The following DNAH9 variants were observed in gnomAD, a reference collection of about 807,000 sequenced individuals.
The protein encoded by DNAH9 is DNAH9 variant protein.
In DNAH9, 345 loss-of-function variants were observed where a neutral mutation model predicts 471.6. The observed-to-expected ratio is 0.73, with a 90% CI of 0.67 to 0.80. The LOEUF (loss-of-function observed/expected upper bound fraction) is 0.80. DNAH9 is among the 30% of genes least tolerant of loss of function. DNAH9 has a pLI of 0.00. For synonymous variants in DNAH9, 2,093 were observed against 2,123.6 expected, an observed-to-expected ratio of 0.99 and a Z score of 0.40; for missense variants, 5,407 against 5,609.2, an observed-to-expected ratio of 0.96 and a Z score of 1.15.
rs1354816470 is a variant in DNAH9 at position 11,652,790 on chromosome 17, A to G, written c.2383A>G (p.Ser795Gly). The change falls in exon 14 of 69, where the codon AGT becomes GGT. Residue 795 changes from serine to glycine, a missense_variant. Around this residue, in one of 3 missense-constraint regions of DNAH9, gnomAD observed 4,636 missense variants for 4,900.3 expected, o/e 0.95. Coordinates refer to ENST00000262442, the MANE Select transcript of DNAH9 (RefSeq NM_001372.4). ...GICDYVTEIT[S>G]SIHDLEQRIQ... ...TTGCGATTATGTCACTGAAATCACC[A>G]GTAGTATTCATGATCTTGAACAAAG... 1.2e-6 allele frequency: 2 copies of G among 1,613,564 alleles called. No individual in the cohort carries two copies. The highest frequency in any genetic ancestry group is 1.7e-5 in the Admixed American group (1 of 60,006).
At chr17:11,951,872 G>A (rs1975373801) in intron 67 of DNAH9, among the ~76,000 whole-genome samples, 1 of 148,160 alleles carries the variant, frequency 6.7e-6, no homozygotes, top group African/African-American at 2.5e-5. Flanking sequence ...GCAGTGAGCT[G>A]AGATCACACC....
chr17:11,653,594 C>G (rs371459766), intron 14 of DNAH9, among the ~76,000 whole-genome samples: 1 of 152,170 alleles, frequency 6.6e-6, no homozygotes, highest in Non-Finnish European at 1.5e-5. Flanking sequence ...TCCAGCCCTA[C>G]GCAAGTAGCT....
intron 33 of DNAH9, among the ~76,000 whole-genome samples, 160 bp downstream of exon 33, chr17:11,753,120 T>G: frequency 6.6e-6 from 1 of 152,220 alleles, no homozygotes; most frequent in Non-Finnish European, 1.5e-5. Context: ...CACTGATAAA[T>G]TCCCAGCAGC....
intron 15 of DNAH9, among the ~76,000 whole-genome samples, chr17:11,666,457 A>C (rs978244396): frequency 5.9e-5 from 9 of 152,172 alleles, no homozygotes; most frequent in Admixed American, 3.9e-4. Context: ...CAAGATTACC[A>C]AAGTTTCCTT....
At chr17:11,964,739 C>G (rs1976544855) in intron 68 of DNAH9, among the ~76,000 whole-genome samples, 1 of 152,166 alleles carries the variant, frequency 6.6e-6, no homozygotes, top group Admixed American at 6.5e-5. Context: ...AACCCAACCC[C>G]TAGCTTGGAG....
chr17:11,645,951 C>T lies in DNAH9; in HGVS notation c.1971-1121C>T, dbSNP rs1359001341. 2.0e-5 allele frequency among the ~76,000 whole-genome samples: 3 copies of T among 148,212 alleles called. 1 individual carries two copies. Among genetic ancestry groups the T allele is most frequent in the Non-Finnish European group, 4.4e-5 (3 of 67,668 alleles). On this transcript the variant is annotated intron_variant, in intron 11 of 68. Coordinates refer to ENST00000262442, the MANE Select transcript of DNAH9 (RefSeq NM_001372.4). The stretch of plus-strand genomic sequence containing the variant: ...TTGGAGTGCAGTGGCACAATCTCGA[C>T]TCACTGCAAGCTCCGCCTCCCGGGT...
chr17:11,741,090 T>G (rs1231573854), intron 29 of DNAH9, among the ~76,000 whole-genome samples: 1 of 152,198 alleles, frequency 6.6e-6, no homozygotes, highest in Non-Finnish European at 1.5e-5. Flanking sequence ...AAAATAATTT[T>G]GAGAATTTAA....
chr17:11,742,555 A>G (rs1322053911), intron 30 of DNAH9, among the ~76,000 whole-genome samples: 1 of 152,176 alleles, frequency 6.6e-6, no homozygotes, highest in Admixed American at 6.5e-5. Flanking sequence ...TTAGCAACAC[A>G]TCACAGACAC....
chr17:11,806,266 C>T (rs535395412), intron 43 of DNAH9, among the ~76,000 whole-genome samples: 5 of 152,260 alleles, frequency 3.3e-5, no homozygotes, highest in African/African-American at 4.8e-5. Flanking sequence ...CGTCATTCTG[C>T]GCGGCAGTCT....
chr17:11,967,034 CAAAAAAA>C (rs375839377), intron 68 of DNAH9, among the ~76,000 whole-genome samples: 6 of 65,120 alleles, frequency 9.2e-5, no homozygotes, highest in South Asian at 6.5e-4. Context: ...GACTCCATCT[CAAAAAAA>C]AAAAAAAAAA....
At chr17:11,875,384 G>A (rs1972435961) in intron 53 of DNAH9, among the ~76,000 whole-genome samples, 200 bp downstream of exon 53, 1 of 152,090 alleles carries the variant, frequency 6.6e-6, no homozygotes, top group South Asian at 2.1e-4. Context: ...ATCCACATGA[G>A]AAATTATGTA....
chr17:11,658,149 T>C (rs188303713), intron 14 of DNAH9, among the ~76,000 whole-genome samples: 90 of 152,308 alleles, frequency 5.9e-4, no homozygotes, highest in Middle Eastern at 6.8e-3. Flanking sequence ...TAGCAGTTTA[T>C]GAACCCGGCA....
intron 42 of DNAH9, among the ~76,000 whole-genome samples, chr17:11,795,615 G>A (rs1456573903): frequency 6.6e-6 from 1 of 152,132 alleles, no homozygotes; most frequent in African/African-American, 2.4e-5. Context: ...CATTGTTATT[G>A]GGGCCTGATG....
Position 11,932,267 on chromosome 17 carries a change from TG to T in DNAH9, c.12297+63del. Reference sequence around the variant, plus strand: ...GGAGAGGGTTAAAATTATTTAATTTTGAGGGGTGAATCAGAGGGGTCTAGGA... The same window carrying T: ...GGAGAGGGTTAAAATTATTTAATTTTAGGGGTGAATCAGAGGGGTCTAGGA... On this transcript the variant is annotated intron_variant, in intron 64 of 68. Transcript: ENST00000262442. This position sits in a 1 kb window ranked among gnomAD's most constrained non-coding sequence, Gnocchi z 4.3. 1 of 1,546,742 alleles carries T rather than the reference TG, an allele frequency of 6.5e-7. No homozygotes were observed. Among genetic ancestry groups the T allele is most frequent in the Non-Finnish European group, 8.8e-7 (1 of 1,136,430 alleles).
In DNAH9 at chr17:11,604,712, C is replaced by G. The variant is rs915822017; in HGVS notation, c.418-3417C>G. ...ATCCTGACCCTTTTTTTTTCTCTTG[C>G]GACTCCTAAAGCAATTTGTTAACAC... On this transcript the variant is annotated intron_variant, in intron 1 of 68. Transcript: ENST00000262442. Among the ~76,000 whole-genome samples the G allele has an allele frequency of 2.0e-5, 3 of 151,794 alleles. No homozygotes were observed. The South Asian group carries it at 6.2e-4, about 32-fold the overall frequency.
chr17:11,739,530 T>C (rs1475620854), intron 29 of DNAH9, among the ~76,000 whole-genome samples: 1 of 152,220 alleles, frequency 6.6e-6, no homozygotes, highest in East Asian at 1.9e-4. Flanking sequence ...TTATTTTCCT[T>C]GGCTAGCTTC....
chr17:11,910,309 A>C (rs1221003254), intron 61 of DNAH9, among the ~76,000 whole-genome samples: 1 of 152,110 alleles, frequency 6.6e-6, no homozygotes, highest in Non-Finnish European at 1.5e-5. Flanking sequence ...ATCATATACA[A>C]TATGCTTTCT....
rs201866471 is a variant in DNAH9, at chr17:11,655,879, TATATATATATAC to T, written c.2595+2887_2595+2898del. 3.5e-3 allele frequency among the ~76,000 whole-genome samples: 525 copies of T among 151,424 alleles called. 10 individuals carry two copies. Among genetic ancestry groups the T allele is most frequent in the East Asian group, 0.027 (137 of 5,128 alleles). ...GACTCAGAGGAAAGGGTGGGATATATATATATATATACATATATATACACACACACACATACA... is the reference window on the plus strand; with the variant it reads ...GACTCAGAGGAAAGGGTGGGATATATATATATATACACACACACACATACA... On this transcript the variant is annotated intron_variant, in intron 14 of 68. Transcript: ENST00000262442.
Position 11,784,261 on chromosome 17 carries a change from G to A in DNAH9, c.7822-39G>A, listed in dbSNP as rs1390142826. ...CAGAAGCGGTGATTTCTACTCCGTG[G>A]TAACGGATGTTGAGCTCATGCCTTT... On this transcript the variant is annotated intron_variant, in intron 40 of 68. Coordinates refer to ENST00000262442, the MANE Select transcript of DNAH9 (RefSeq NM_001372.4). 4.4e-6 allele frequency: 7 copies of A among 1,608,584 alleles called. No individual in the cohort carries two copies. The Admixed American group carries it at 5.0e-5, about 12-fold the overall frequency.
Sources: allele counts gnomAD v4.1 joint callset (sites outside exome capture counted in the v4.1 genomes callset), GRCh38; gene constraint gnomAD v4.1.1; regional missense constraint gnomAD v4.1.1; non-coding constraint Gnocchi (gnomAD v3.1); transcripts MANE v1.5; gene names NCBI Gene and HGNC (gene_info 2026-07-23, HGNC 2026-07-21).